Variants in MGME1 observed in about 807,000 individuals in gnomAD.
The protein encoded by MGME1 is mitochondrial genome maintenance exonuclease 1.
In MGME1, 22 loss-of-function variants were observed where a neutral mutation model predicts 33.0. That is an observed-to-expected ratio of 0.67 (90% CI 0.48 to 0.95). MGME1 has a LOEUF of 0.95. Ranked by LOEUF, MGME1 falls within the 40% of genes least tolerant of loss-of-function variation. The probability of loss-of-function intolerance (pLI) is 0.00; values close to 1 mark genes in which losing one functional copy is unlikely to be tolerated. For missense variants in MGME1, 383 were observed against 397.8 expected, an observed-to-expected ratio of 0.96 and a Z score of 0.32; for synonymous variants, 133 against 144.0, an observed-to-expected ratio of 0.92 and a Z score of 0.55.
At chr20:17,982,948 T>A (rs1049155723) in intron 3 of MGME1, among the ~76,000 whole-genome samples, 1 of 152,188 alleles carries the variant, frequency 6.6e-6, no homozygotes, top group African/African-American at 2.4e-5. Flanking sequence ...CTTTTAAATA[T>A]ACAATGCATT....
intron 3 of MGME1, among the ~76,000 whole-genome samples, chr20:17,979,280 T>C (rs2122556485): frequency 6.6e-6 from 1 of 152,138 alleles, no homozygotes; most frequent in Non-Finnish European, 1.5e-5. Flanking sequence ...GGTTTTGCCA[T>C]GTTGCTCAGG....
Position 17,988,170 on chromosome 20 carries a change from A to C in MGME1, c.736A>C (p.Lys246Gln). Residue 246 changes from lysine (K) to glutamine (Q), a missense_variant, in exon 4 of 5, where the codon AAG becomes CAG. Coordinates refer to ENST00000377710, the MANE Select transcript of MGME1 (RefSeq NM_052865.4). The stretch of plus-strand genomic sequence containing the variant: ...CTTCCTGTGGTTTCTCTTTAGGGGC[A>C]AGCTCTGTGTGATTGATTGGAAGAC... Reference protein sequence around the residue: ...LLDCVAEYQGKLCVIDWKTSE... With the variant: ...LLDCVAEYQGQLCVIDWKTSE... 1 of 1,612,510 alleles carries C rather than the reference A, an allele frequency of 6.2e-7. No homozygotes were observed. The highest frequency in any genetic ancestry group is 8.5e-7 in the Non-Finnish European group (1 of 1,179,478).
intron 2 of MGME1, among the ~76,000 whole-genome samples, chr20:17,973,640 C>CAA (rs11482677): frequency 0.064 from 9,462 of 147,218 alleles, 362 homozygotes; most frequent in Non-Finnish European, 0.089. Context: ...GACCCTGTCT[C>CAA]AAAAAAAAAA....
intron 2 of MGME1, among the ~76,000 whole-genome samples, chr20:17,975,209 T>C (rs2035827818): frequency 6.6e-6 from 1 of 152,154 alleles, no homozygotes; most frequent in South Asian, 2.1e-4. Flanking sequence ...AAGTATATTC[T>C]TAGGTTTCAC....
At chr20:17,977,850 A>G (rs1200737354) in intron 3 of MGME1, among the ~76,000 whole-genome samples, 1 of 152,152 alleles carries the variant, frequency 6.6e-6, no homozygotes, top group Non-Finnish European at 1.5e-5. Flanking sequence ...CTCACTCAAG[A>G]TGGAGTTGCT....
chr20:17,989,283 G>A (rs763014729), intron 4 of MGME1, among the ~76,000 whole-genome samples: 24 of 151,880 alleles, frequency 1.6e-4, no homozygotes, highest in Non-Finnish European at 2.8e-4. Context: ...CTACTTGGGA[G>A]GCTGAGGCAG....
At position 17,989,999 on chromosome 20, in the gene MGME1, A is replaced by G. The variant is rs760956942; in HGVS notation, c.925A>G (p.Met309Val). The G allele has an allele frequency of 9.9e-6, 16 of 1,614,046 alleles. No homozygotes were observed. Among genetic ancestry groups the G allele is most frequent in the African/African-American group, 2.7e-5 (2 of 74,930 alleles). Residue 309 changes from methionine (M) to valine (V), a missense_variant, in exon 5 of 5, where the codon ATG (methionine) becomes GTG (valine). By Grantham distance (21) the Met-to-Val change is conservative. Coordinates refer to ENST00000377710, the MANE Select transcript of MGME1 (RefSeq NM_052865.4). ...KDGSPAHPHFMDAELCSQYWT... is the reference protein window; with the variant it reads ...KDGSPAHPHFVDAELCSQYWT... ...TGGATCACCTGCCCACCCACATTTC[A>G]TGGATGCAGAGCTCTGTTCCCAGTA...
Position 17,990,422 on chromosome 20 carries a change from G to GGT in MGME1, c.*314_*315insTG. The GGT allele has an allele frequency of 3.3e-6, 1 of 302,114 alleles. No individual in the cohort carries two copies. The highest frequency in any genetic ancestry group is 6.2e-6 in the Non-Finnish European group (1 of 160,108). 18.7% of individuals were successfully genotyped at this position (302,114 alleles called of 1,614,324 possible). ...CCTTGAGGGACATTGGGGGGGGGGG[G>GGT]GCGTGGTCCCAGGCAGGATGCCCAG... On this transcript the variant is annotated 3_prime_UTR_variant, in exon 5 of 5. Coordinates refer to ENST00000377710, the MANE Select transcript of MGME1 (RefSeq NM_052865.4).
Position 17,990,534 on chromosome 20 carries a change from C to T in MGME1, c.*425C>T, listed in dbSNP as rs1207407396. The stretch of plus-strand genomic sequence containing the variant: ...CCAGAGGGGAAGGGGCTACATGCCC[C>T]CAGCTGTGTGCAGGGAGGACACATC... On this transcript the variant is annotated 3_prime_UTR_variant, in exon 5 of 5. Transcript: ENST00000377710. The T allele has an allele frequency of 4.0e-6, 1 of 247,894 alleles. No individual in the cohort carries two copies. Among genetic ancestry groups the T allele is most frequent in the East Asian group, 9.6e-5 (1 of 10,396 alleles). 15.4% of individuals were successfully genotyped at this position (247,894 alleles called of 1,614,324 possible).
chr20:17,970,034 GTC>G lies in MGME1; in HGVS notation c.177_178del (p.Leu60ValfsTer26). 6.2e-7 allele frequency: 1 copy of G among 1,614,198 alleles called. No individual in the cohort carries two copies. Among genetic ancestry groups the G allele is most frequent in the Non-Finnish European group, 8.5e-7 (1 of 1,180,036 alleles). On this transcript the variant is annotated frameshift_variant, in exon 2 of 5. Coordinates refer to ENST00000377710, the MANE Select transcript of MGME1 (RefSeq NM_052865.4). LOFTEE classifies it high-confidence loss of function. Reference sequence around the variant, plus strand: ...AAAATACTCTAATTTAGTTCAGTCTGTCTTGTCATCCAGAGGCGTCGCCCAGA... The same window carrying G: ...AAAATACTCTAATTTAGTTCAGTCTGTTGTCATCCAGAGGCGTCGCCCAGA... ...QEKYSNLVQS[V>X]LSSRGVAQTP...
intron 3 of MGME1, among the ~76,000 whole-genome samples, chr20:17,985,036 C>CAAAAAAAAAA (rs535060718): frequency 9.7e-6 from 1 of 103,178 alleles, no homozygotes; most frequent in Non-Finnish European, 1.9e-5. Flanking sequence ...GACTTTGTCT[C>CAAAAAAAAAA]AAAAAAAAAA....
At chr20:17,970,420 GA>G in intron 2 of MGME1, 50 bp downstream of exon 2, 2 of 1,518,944 alleles carry the variant, frequency 1.3e-6, no homozygotes, top group Middle Eastern at 3.5e-4. Flanking sequence ...TTCTATAATA[GA>G]GAGCAACGGT....
At chr20:17,980,004 T>C (rs776147118) in intron 3 of MGME1, among the ~76,000 whole-genome samples, 1 of 152,108 alleles carries the variant, frequency 6.6e-6, no homozygotes, top group Non-Finnish European at 1.5e-5. Context: ...GTGTTGGAAT[T>C]ACAAACGTGA....
intron 3 of MGME1, among the ~76,000 whole-genome samples, chr20:17,983,402 G>A (rs550023314): frequency 1.3e-5 from 2 of 152,106 alleles, no homozygotes; most frequent in South Asian, 4.1e-4. Flanking sequence ...GGGATTGCAG[G>A]TGTCTCTTCA....
At position 17,975,911 on chromosome 20, in the gene MGME1, T is replaced by C. The variant is rs774060817; in HGVS notation, c.731+8T>C. ...CTGTGTGGCTGAGTATCAGTAAGTA[T>C]GAGATTGGAGGTGAATTAATACAGC... On this transcript the variant is annotated splice_region_variant and intron_variant, in intron 3 of 4. Transcript: ENST00000377710. 2 of 1,605,212 alleles carry C rather than the reference T, an allele frequency of 1.2e-6. No individual in the cohort carries two copies. The highest frequency in any genetic ancestry group is 3.3e-5 in the Admixed American group (2 of 59,990).
At chr20:17,973,523 A>C (rs1300339864) in intron 2 of MGME1, among the ~76,000 whole-genome samples, 1 of 151,890 alleles carries the variant, frequency 6.6e-6, no homozygotes, top group East Asian at 1.9e-4. Context: ...GCGTGGTGGC[A>C]CATGCCTGTA....
chr20:17,973,654 C>T (rs2035785065), intron 2 of MGME1, among the ~76,000 whole-genome samples: 1 of 133,762 alleles, frequency 7.5e-6, no homozygotes, highest in Non-Finnish European at 1.6e-5. Context: ...AAAAAAAAAA[C>T]TTGACAAATG....
At chr20:17,989,603 C>T (rs1241020613) in intron 4 of MGME1, among the ~76,000 whole-genome samples, 18 of 151,058 alleles carry the variant, frequency 1.2e-4, no homozygotes, top group African/African-American at 4.4e-4. Context: ...TTCGAGGGTG[C>T]AACGAGCCGA....
At chr20:17,988,016 A>G (rs2036196663) in intron 3 of MGME1, 150 bp from the exon 4 acceptor site, 2 of 689,066 alleles carry the variant, frequency 2.9e-6, no homozygotes. Flanking sequence ...ATGAAACCCC[A>G]TCTCTTTTTT....
Sources: allele counts gnomAD v4.1 joint callset (sites outside exome capture counted in the v4.1 genomes callset), GRCh38; gene constraint gnomAD v4.1.1; transcripts MANE v1.5; gene names NCBI Gene and HGNC (gene_info 2026-07-23, HGNC 2026-07-21).